SPECC1: variants seen among roughly 807,000 people sequenced by gnomAD.
SPECC1 encodes sperm antigen with calponin homology and coiled-coil domains 1.
In SPECC1, 62 loss-of-function variants were observed where a neutral mutation model predicts 104.1. The ratio of observed to expected loss-of-function variants is 0.60; its 90% CI spans 0.49 to 0.74. The LOEUF is 0.74. SPECC1 is among the 30% of genes least tolerant of loss of function. SPECC1 has a pLI of 0.00. For missense variants in SPECC1, 1,306 were observed against 1,310.5 expected (o/e 1.00, Z 0.05); for synonymous variants, 513 against 501.6 (o/e 1.02, Z -0.30).
At chr17:20,254,771 C>A (rs1178398548) in intron 10 of SPECC1, among the ~76,000 whole-genome samples, 2 of 149,486 alleles carry the variant, frequency 1.3e-5, no homozygotes, top group Admixed American at 6.6e-5. Context: ...TGTTTCTAAG[C>A]ATAAAATAAA....
intron 3 of SPECC1, among the ~76,000 whole-genome samples, chr17:20,139,705 G>A (rs924206971): frequency 2.6e-5 from 4 of 151,828 alleles, no homozygotes; most frequent in South Asian, 4.2e-4. Flanking sequence ...ACGAAATCTC[G>A]CTCTTGTCTC....
At chr17:20,254,530 G>A (rs1219805372) in intron 10 of SPECC1, among the ~76,000 whole-genome samples, 1 of 152,184 alleles carries the variant, frequency 6.6e-6, no homozygotes, top group Non-Finnish European at 1.5e-5. Context: ...CATCTCACCT[G>A]CTGTTCTCTG....
At position 20,204,209 on chromosome 17, in the gene SPECC1, G is replaced by A. The variant is rs2036613781; in HGVS notation, c.284-124G>A. Reference sequence around the variant, plus strand: ...GTCAGAACTGGGTAATTAGCTAGAGGAGGAGGAAATGGATGAAGAGCGACA... The same window carrying A: ...GTCAGAACTGGGTAATTAGCTAGAGAAGGAGGAAATGGATGAAGAGCGACA... On this transcript the variant is annotated intron_variant, in intron 3 of 14. Coordinates refer to ENST00000395527, the MANE Select transcript of SPECC1 (RefSeq NM_001243439.2). 13 of 1,195,844 alleles carry A rather than the reference G, an allele frequency of 1.1e-5. 1 individual carries two copies. The South Asian group carries it at 1.9e-4, about 18-fold the overall frequency. 74.1% of individuals were successfully genotyped at this position (1,195,844 alleles called of 1,614,324 possible).
At chr17:20,042,686 A>G (rs1221097340) in intron 1 of SPECC1, among the ~76,000 whole-genome samples, 2 of 152,114 alleles carry the variant, frequency 1.3e-5, no homozygotes, top group African/African-American at 4.8e-5. Context: ...ATCTCATTAG[A>G]CTGTCTCCTT....
chr17:20,236,910 C>G (rs748637082), intron 7 of SPECC1: 1 of 1,613,632 alleles, frequency 6.2e-7, no homozygotes, highest in Non-Finnish European at 8.5e-7. Flanking sequence ...AAAGACAGCC[C>G]AGCTCTTGCC....
chr17:20,182,384 A>G (rs1477132645), intron 3 of SPECC1, among the ~76,000 whole-genome samples: 1 of 152,142 alleles, frequency 6.6e-6, no homozygotes, highest in Non-Finnish European at 1.5e-5. Flanking sequence ...CCAAAGTGCT[A>G]GGATTACAGG....
chr17:20,084,431 G>A (rs1472490045), intron 1 of SPECC1, among the ~76,000 whole-genome samples: 6 of 152,154 alleles, frequency 3.9e-5, no homozygotes, highest in Non-Finnish European at 5.9e-5. Context: ...GGAAGACTCC[G>A]TCTCAATAAA....
chr17:20,263,141 G>A (rs1191799797), intron 12 of SPECC1, among the ~76,000 whole-genome samples: 6 of 151,442 alleles, frequency 4.0e-5, no homozygotes, highest in Admixed American at 3.9e-4. Context: ...ATGAAGGAAG[G>A]CCTCTTGGTT....
chr17:20,160,019 A>T lies in SPECC1; in HGVS notation c.284-44314A>T, dbSNP rs2032991501. ...AGTGTTAAAGAAGTCTTAGAAAGTG[A>T]GTTTAGAAGGTTTTCCCTAGTCCCA... On this transcript the variant is annotated intron_variant, in intron 3 of 14. Transcript: ENST00000395527. Among the ~76,000 whole-genome samples the T allele has an allele frequency of 2.6e-5, 4 of 152,274 alleles. No homozygotes were observed. The South Asian group carries it at 8.3e-4, about 32-fold the overall frequency.
At chr17:20,044,107 G>A (rs1314197426) in intron 1 of SPECC1, among the ~76,000 whole-genome samples, 1 of 152,156 alleles carries the variant, frequency 6.6e-6, no homozygotes, top group East Asian at 1.9e-4. Context: ...CTAATGTTCT[G>A]CCTGTGTGGA....
At chr17:20,167,733 G>C (rs569208747) in intron 3 of SPECC1, among the ~76,000 whole-genome samples, 1 of 152,148 alleles carries the variant, frequency 6.6e-6, no homozygotes, top group East Asian at 1.9e-4. Context: ...TGGTGTTATA[G>C]GTAAAGTTTT....
At chr17:20,087,965 T>TG (rs2047241477) in intron 1 of SPECC1, among the ~76,000 whole-genome samples, 1 of 152,032 alleles carries the variant, frequency 6.6e-6, no homozygotes, top group Non-Finnish European at 1.5e-5. Context: ...TGTGAGGAGC[T>TG]GGGGGGACAT....
At chr17:20,106,557 G>A (rs1420045319) in intron 2 of SPECC1, among the ~76,000 whole-genome samples, 3 of 152,162 alleles carry the variant, frequency 2.0e-5, no homozygotes, top group African/African-American at 4.8e-5. Flanking sequence ...GGGATCTGGT[G>A]GGAGGTAATT....
chr17:20,086,848 G>A (rs2047198519), intron 1 of SPECC1, among the ~76,000 whole-genome samples: 1 of 152,208 alleles, frequency 6.6e-6, no homozygotes, highest in African/African-American at 2.4e-5. Context: ...AGCACACAGA[G>A]GTTTTGCTGG....
At chr17:20,258,407 C>T (rs936193521) in intron 11 of SPECC1, among the ~76,000 whole-genome samples, 2 of 152,202 alleles carry the variant, frequency 1.3e-5, no homozygotes. Flanking sequence ...TGCCCCTGGT[C>T]GCCCAGGCCA....
At position 20,205,138 on chromosome 17, in the gene SPECC1, C is replaced by T; in HGVS notation, c.1089C>T (p.Asn363=). 6.2e-7 allele frequency: 1 copy of T among 1,614,148 alleles called. No homozygotes were observed. Among genetic ancestry groups the T allele is most frequent in the Non-Finnish European group, 8.5e-7 (1 of 1,180,038 alleles). ...SKCSTAGSSP[N]SVSELSLASL... is the part of the protein sequence containing the mutation. ...GTTCTACTGCTGGGAGTTCCCCAAA[C>T]AGCGTAAGTGAATTGTCCCTGGCTT... Residue 363 remains asparagine (N), a synonymous_variant, in exon 4 of 15, where the codon AAC becomes AAT. Transcript: ENST00000395527.
At chr17:20,227,345 C>G in intron 4 of SPECC1, 68 bp from the exon 5 acceptor site, 6 of 1,388,114 alleles carry the variant, frequency 4.3e-6, no homozygotes, top group Non-Finnish European at 6.0e-6. Context: ...GCTTGGCCTT[C>G]TAGTGTACAG....
At chr17:20,232,878 CG>C (rs2038685158) in intron 7 of SPECC1, among the ~76,000 whole-genome samples, 1 of 152,116 alleles carries the variant, frequency 6.6e-6, no homozygotes, top group Admixed American at 6.6e-5. Context: ...CCATGAGCTA[CG>C]TCAAAAGGCC....
At chr17:20,263,872 C>G (rs2040119606) in intron 12 of SPECC1, among the ~76,000 whole-genome samples, 1 of 151,982 alleles carries the variant, frequency 6.6e-6, no homozygotes, top group East Asian at 1.9e-4. Context: ...ACACTATTTC[C>G]TGCTGGAGTG....
Sources: allele counts gnomAD v4.1 joint callset (sites outside exome capture counted in the v4.1 genomes callset), GRCh38; gene constraint gnomAD v4.1.1; transcripts MANE v1.5; gene names NCBI Gene and HGNC (gene_info 2026-07-23, HGNC 2026-07-21).